The following MOK variants were observed in gnomAD, a reference collection of about 807,000 sequenced individuals.
MOK encodes the protein MOK protein kinase, also known as MAPK/MAK/MRK overlapping kinase.
In MOK, 59 loss-of-function variants were observed where a neutral mutation model predicts 54.2. The observed-to-expected ratio is 1.09, with a 90% CI of 0.88 to 1.35. The LOEUF (loss-of-function observed/expected upper bound fraction) is 1.35, where lower values mean the gene tolerates loss of function less well. Ranked by LOEUF, MOK falls within the 40% of genes most tolerant of loss-of-function variation. The pLI, the probability that MOK is intolerant of heterozygous loss-of-function variation, is 0.00. For synonymous variants in MOK, 210 were observed against 202.7 expected (o/e 1.04, Z -0.31); for missense variants, 517 against 526.2 (o/e 0.98, Z 0.17).
chr14:102,226,574 G>T (rs1170145843), downstream of MOK, among the ~76,000 whole-genome samples: 1 of 152,146 alleles, frequency 6.6e-6, no homozygotes, highest in African/African-American at 2.4e-5. This position sits in a 1 kb window ranked among gnomAD's most constrained non-coding sequence, Gnocchi z 4.8. Context: ...TGGCCCCTCT[G>T]CCCTCAGCCC....
downstream of MOK, chr14:102,226,166 T>TA (rs1201485431): frequency 1.7e-5 from 10 of 597,740 alleles, no homozygotes; most frequent in Non-Finnish European, 2.7e-5. This position sits in a 1 kb window ranked among gnomAD's most constrained non-coding sequence, Gnocchi z 4.8. Context: ...GATGGCTGCT[T>TA]ACTGCTTCTC....
At chr14:102,220,502 T>A (rs981323006), downstream of MOK, among the ~76,000 whole-genome samples, 9 of 152,178 alleles carry the variant, frequency 5.9e-5, no homozygotes, top group Non-Finnish European at 1.0e-4. The surrounding 1 kb of genome is among the most constrained non-coding windows in gnomAD (Gnocchi z 4.2). Flanking sequence ...GGCAGGTGGA[T>A]CACGAGGTCA....
At chr14:102,256,365 C>T (rs2066949119) in intron 4 of MOK, among the ~76,000 whole-genome samples, 1 of 151,632 alleles carries the variant, frequency 6.6e-6, no homozygotes, top group Non-Finnish European at 1.5e-5. Context: ...GAGATTGAGA[C>T]CATCCTGGCT....
chr14:102,294,194 C>G (rs768147146), intron 1 of MOK, among the ~76,000 whole-genome samples: 1 of 151,504 alleles, frequency 6.6e-6, no homozygotes, highest in Admixed American at 6.6e-5. Context: ...TGCCTGTAAT[C>G]CCAGCACTTT....
chr14:102,258,047 G>A (rs1196716960), intron 4 of MOK, among the ~76,000 whole-genome samples: 2 of 151,370 alleles, frequency 1.3e-5, no homozygotes, highest in South Asian at 2.1e-4. Flanking sequence ...ATCTAAGCAC[G>A]TGATCACTTT....
intron 4 of MOK, among the ~76,000 whole-genome samples, chr14:102,256,057 G>C (rs932882873): frequency 2.0e-5 from 3 of 152,132 alleles, no homozygotes; most frequent in Non-Finnish European, 4.4e-5. Context: ...AGCGAGGGTG[G>C]AGAGAACTAC....
downstream of MOK, chr14:102,226,009 T>C: frequency 2.4e-6 from 1 of 410,844 alleles, no homozygotes. This position sits in a 1 kb window ranked among gnomAD's most constrained non-coding sequence, Gnocchi z 4.8. Flanking sequence ...CAGGGGTGGG[T>C]CTAGCTGGAC....
chr14:102,279,207 G>T (rs1478878852), intron 2 of MOK, among the ~76,000 whole-genome samples: 1 of 150,132 alleles, frequency 6.7e-6, no homozygotes, highest in South Asian at 2.1e-4. Context: ...CCAAGACTAG[G>T]GATTTTTTTT....
At position 102,250,826 on chromosome 14, in the gene MOK, G is replaced by A; in HGVS notation, c.576C>T (p.Phe192=). Residue 192 remains phenylalanine, a synonymous_variant, in exon 7 of 12, where the codon TTC becomes TTT. Transcript: ENST00000361847. ...KMDLWSAGCV[F]YEIASLQPLF... is the part of the protein sequence containing the mutation. Reference sequence around the variant, plus strand: ...CCTGGTGCTACCTGGCGATCTCGTAGAACACACAGCCGGCGCTCCACAGGT... The same window carrying A: ...CCTGGTGCTACCTGGCGATCTCGTAAAACACACAGCCGGCGCTCCACAGGT... 3 of 1,613,846 alleles carry A rather than the reference G, an allele frequency of 1.9e-6. No individual in the cohort carries two copies.
chr14:102,251,731 C>T (rs1429198939), intron 6 of MOK, 25 bp downstream of exon 6: 1 of 1,534,778 alleles, frequency 6.5e-7, no homozygotes, highest in Admixed American at 1.7e-5. Context: ...ATTCTGATAC[C>T]CAGCTTTCAT....
downstream of MOK, among the ~76,000 whole-genome samples, chr14:102,220,033 A>G (rs535324637): frequency 3.9e-5 from 6 of 152,306 alleles, no homozygotes; most frequent in Non-Finnish European, 7.4e-5. The surrounding 1 kb of genome is among the most constrained non-coding windows in gnomAD (Gnocchi z 4.2). Context: ...TGCTAATGGG[A>G]GAATAGGAAG....
intron 2 of MOK, among the ~76,000 whole-genome samples, chr14:102,269,431 C>T (rs981720951): frequency 3.3e-5 from 5 of 151,212 alleles, no homozygotes; most frequent in Admixed American, 1.3e-4. Context: ...GTGATCCACC[C>T]GCCTTGGCCT....
intron 4 of MOK, among the ~76,000 whole-genome samples, chr14:102,254,103 G>C (rs1442648053): frequency 6.6e-6 from 1 of 151,898 alleles, no homozygotes; most frequent in African/African-American, 2.4e-5. Context: ...TCCTGCCTCA[G>C]CCTCTCGAGT....
intron 2 of MOK, among the ~76,000 whole-genome samples, chr14:102,271,324 C>T (rs1166252207): frequency 2.0e-5 from 3 of 152,052 alleles, no homozygotes; most frequent in Non-Finnish European, 2.9e-5. Flanking sequence ...TTCCTTGTTC[C>T]ACCACTTCGT....
chr14:102,248,650 T>G (rs375064678), intron 7 of MOK, among the ~76,000 whole-genome samples: 1 of 151,258 alleles, frequency 6.6e-6, no homozygotes, highest in Non-Finnish European at 1.5e-5. Flanking sequence ...TGCTGGCGGG[T>G]GCCTGTAGTC....
At chr14:102,219,570 G>A (rs947374265), downstream of MOK, among the ~76,000 whole-genome samples, 8 of 152,188 alleles carry the variant, frequency 5.3e-5, no homozygotes, top group African/African-American at 1.9e-4. Context: ...TCGCCTTCCG[G>A]TTAACTCCTC....
At chr14:102,215,731 G>A in the MOK span, among the ~76,000 whole-genome samples, 431 of 152,288 alleles carry the variant, frequency 2.8e-3, 1 homozygote, top group Non-Finnish European at 4.6e-3. Flanking sequence ...CTGGCGTGAG[G>A]TTGTCCTGCT....
intron 1 of MOK, among the ~76,000 whole-genome samples, chr14:102,292,086 A>G (rs974989778): frequency 6.6e-6 from 1 of 152,196 alleles, no homozygotes; most frequent in African/African-American, 2.4e-5. Context: ...AATTTACAGT[A>G]TGTCCCTATA....
Position 102,231,911 on chromosome 14 carries a change from T to C in MOK, c.867-90A>G, listed in dbSNP as rs919997053. ...GCTTCTTTGTCTCCAATTTGTCTAC[T>C]GTGTGAGTTGTCACTAGCTCTTCTT... is the stretch of plus-strand genomic sequence containing the variant. On this transcript the variant is annotated intron_variant, in intron 9 of 11. Transcript: ENST00000361847. The surrounding 1 kb of genome is among the most constrained non-coding windows in gnomAD (Gnocchi z 4.4). 1.9e-6 allele frequency: 2 copies of C among 1,040,746 alleles called. No individual in the cohort carries two copies. Among genetic ancestry groups the C allele is most frequent in the Non-Finnish European group, 2.9e-6 (2 of 699,522 alleles). The allele number at this position is 1,040,746 out of a possible 1,614,324, so 64.5% of individuals were successfully genotyped here.
Sources: allele counts gnomAD v4.1 joint callset (sites outside exome capture counted in the v4.1 genomes callset), GRCh38; gene constraint gnomAD v4.1.1; non-coding constraint Gnocchi (gnomAD v3.1); transcripts MANE v1.5; gene names NCBI Gene and HGNC (gene_info 2026-07-23, HGNC 2026-07-21).